The following PRL variants were observed in gnomAD, a reference collection of about 807,000 sequenced individuals.
The protein encoded by PRL is decidual prolactin.
Under a neutral mutation model 21.3 loss-of-function variants are expected in PRL, and 24 were observed. That is an observed-to-expected ratio of 1.13 (90% CI 0.82 to 1.59). PRL has a LOEUF of 1.59. Among genes scored for constraint, PRL ranks in the 40% most tolerant of loss-of-function variants. The probability of loss-of-function intolerance (pLI) is 0.00; values close to 1 mark genes in which losing one functional copy is unlikely to be tolerated. For synonymous variants in PRL, 118 were observed against 115.7 expected, an observed-to-expected ratio of 1.02 and a Z score of -0.13; for missense variants, 243 against 286.9, an observed-to-expected ratio of 0.85 and a Z score of 1.10.
rs1303440095 is a variant in PRL at position 22,290,274 on chromosome 6, C to T, written c.392G>A (p.Arg131His). The T allele has an allele frequency of 8.7e-6, 14 of 1,612,580 alleles. No homozygotes were observed. The highest frequency in any genetic ancestry group is 1.2e-5 in the Non-Finnish European group (14 of 1,178,972). ...EPLYHLVTEVRGMQEAPEAIL... is the reference protein window; with the variant it reads ...EPLYHLVTEVHGMQEAPEAIL... ...AGCCTCCGGGGCTTCTTGCATACCA[C>T]GTACTTCCGTGACCAGATGATACAG... Residue 131 changes from arginine (R) to histidine (H), a missense_variant, in exon 4 of 5, where the codon CGT becomes CAT. Arg to His is a conservative substitution (Grantham distance 29). Coordinates refer to ENST00000306482, the MANE Select transcript of PRL (RefSeq NM_000948.6).
chr6:22,295,555 CCA>C (rs1390422869), intron 1 of PRL, among the ~76,000 whole-genome samples: 1 of 152,166 alleles, frequency 6.6e-6, no homozygotes, highest in African/African-American at 2.4e-5. Flanking sequence ...TTGATTTTCT[CCA>C]CTTTTCCTGC....
At chr6:22,294,137 C>A (rs1238685465) in intron 2 of PRL, among the ~76,000 whole-genome samples, 1 of 152,006 alleles carries the variant, frequency 6.6e-6, no homozygotes, top group Non-Finnish European at 1.5e-5. Context: ...CCTAAACATG[C>A]TTTAGGTCAG....
chr6:22,292,926 G>GTTGCTATT (rs1370801991), intron 2 of PRL, among the ~76,000 whole-genome samples: 4 of 152,036 alleles, frequency 2.6e-5, no homozygotes, highest in African/African-American at 9.7e-5. Flanking sequence ...AGTCACACGA[G>GTTGCTATT]TTGCTATTTG....
At chr6:22,296,577 A>C (rs1449270257) in intron 1 of PRL, among the ~76,000 whole-genome samples, 1 of 152,220 alleles carries the variant, frequency 6.6e-6, no homozygotes, top group Non-Finnish European at 1.5e-5. Context: ...AGAGTTTCTC[A>C]ATCTTGATAT....
chr6:22,299,873 G>A (rs1294446550), upstream of PRL, among the ~76,000 whole-genome samples: 1 of 152,002 alleles, frequency 6.6e-6, no homozygotes, highest in East Asian at 1.9e-4. Flanking sequence ...ACATAACCTA[G>A]GAGGTGTCTA....
At chr6:22,294,889 G>T (rs1330466146) in intron 1 of PRL, among the ~76,000 whole-genome samples, 2 of 152,176 alleles carry the variant, frequency 1.3e-5, no homozygotes, top group Non-Finnish European at 2.9e-5. Context: ...AGGGTGTTTG[G>T]ATCATTCTCT....
At chr6:22,296,846 C>T in intron 1 of PRL, 109 bp downstream of exon 1, 1 of 1,213,170 alleles carries the variant, frequency 8.2e-7, no homozygotes, top group Non-Finnish European at 1.2e-6. Context: ...TAAGATTGTG[C>T]TTCTAAACCT....
At chr6:22,296,297 G>A (rs1221871733) in intron 1 of PRL, among the ~76,000 whole-genome samples, 5 of 152,188 alleles carry the variant, frequency 3.3e-5, no homozygotes, top group South Asian at 4.1e-4. Flanking sequence ...CCTTGCAAAT[G>A]TCAACCAAGA....
At chr6:22,300,092 C>T (rs1022888081), upstream of PRL, among the ~76,000 whole-genome samples, 5 of 151,982 alleles carry the variant, frequency 3.3e-5, no homozygotes, top group African/African-American at 9.7e-5. Context: ...TTAAATAGGA[C>T]GTGTGCTGTT....
rs1234278258 is a variant in PRL, at chr6:22,292,547, T to C, written c.303A>G (p.Gln101=). 6.2e-7 allele frequency: 1 copy of C among 1,614,046 alleles called. No homozygotes were observed. The highest frequency in any genetic ancestry group is 1.7e-4 in the Middle Eastern group (1 of 6,058). Reference sequence around the variant, plus strand: ...TGGATGAAGGACTCACATTCATCTGTTGGGCTTGCTCCTTGTCTTCGGGGG... The same window carrying C: ...TGGATGAAGGACTCACATTCATCTGCTGGGCTTGCTCCTTGTCTTCGGGGG... The part of the protein sequence containing the change: ...LATPEDKEQA[Q]QMNQKDFLSL... The change falls in exon 3 of 5, where the codon CAA becomes CAG. Residue 101 remains glutamine, a synonymous_variant. Coordinates refer to ENST00000306482, the MANE Select transcript of PRL (RefSeq NM_000948.6).
intron 3 of PRL, 85 bp downstream of exon 3, chr6:22,292,453 A>G (rs1761069464): frequency 8.1e-7 from 1 of 1,241,444 alleles, no homozygotes; most frequent in Non-Finnish European, 1.2e-6. Context: ...TACAATTACC[A>G]CTAGCTATTA....
At chr6:22,290,442 G>T in intron 3 of PRL, 89 bp from the exon 4 acceptor site, 2 of 1,104,378 alleles carry the variant, frequency 1.8e-6, no homozygotes, top group Non-Finnish European at 2.4e-6. Context: ...AGGCTGTACT[G>T]AAATATCTTT....
At chr6:22,292,324 G>A (rs7739889) in intron 3 of PRL, among the ~76,000 whole-genome samples, 31,175 of 152,080 alleles carry the variant, frequency 0.2, 3,389 homozygotes, top group Non-Finnish European at 0.23. Context: ...GACAATGTAC[G>A]GATCTGCTAT....
rs765565117 is a variant in PRL at position 22,294,370 on chromosome 6, A to G, written c.204+39T>C. 3.1e-6 allele frequency: 5 copies of G among 1,610,254 alleles called. No individual in the cohort carries two copies. The South Asian group carries it at 4.4e-5, about 14-fold the overall frequency. On this transcript the variant is annotated intron_variant, in intron 2 of 4. Transcript: ENST00000306482. ...TAGCAGAGCCCAGTAGTTCATGTGA[A>G]GGCTCCTTCAGGGAGGAAGCCAGAA...
At position 22,292,539 on chromosome 6, in the gene PRL, T is replaced by C; in HGVS notation, c.311A>G (p.Asn104Ser). The C allele has an allele frequency of 6.2e-7, 1 of 1,613,866 alleles. No homozygotes were observed. Among genetic ancestry groups the C allele is most frequent in the Non-Finnish European group, 8.5e-7 (1 of 1,179,764 alleles). Residue 104 changes from asparagine to serine, a missense_variant and splice_region_variant, in exon 3 of 5, where the codon AAT becomes AGT. By Grantham distance (46) the Asn-to-Ser change is conservative. Transcript: ENST00000306482. Reference protein sequence around the residue: ...PEDKEQAQQMNQKDFLSLIVS... With the variant: ...PEDKEQAQQMSQKDFLSLIVS... Reference sequence around the variant, plus strand: ...GCAAAGCCTGGATGAAGGACTCACATTCATCTGTTGGGCTTGCTCCTTGTC... The same window carrying C: ...GCAAAGCCTGGATGAAGGACTCACACTCATCTGTTGGGCTTGCTCCTTGTC...
chr6:22,294,312 A>G, intron 2 of PRL, 97 bp downstream of exon 2: 1 of 1,420,342 alleles, frequency 7.0e-7, no homozygotes, highest in Non-Finnish European at 9.9e-7. Context: ...TATCGTTTGA[A>G]ATTTGGCTCG....
chr6:22,292,604 G>A lies in PRL; in HGVS notation c.246C>T (p.Ala82=), dbSNP rs759096826. The change falls in exon 3 of 5, where the codon GCC becomes GCT. Residue 82 remains alanine, a synonymous_variant. Coordinates refer to ENST00000306482, the MANE Select transcript of PRL (RefSeq NM_000948.6). ...GGGAAGAAGTGTGGCAGCTGTTGAT[G>A]GCCTTGGTAATGAACCCCCGGCCAT... ...YTHGRGFITK[A]INSCHTSSLA... 2 of 1,613,992 alleles carry A rather than the reference G, an allele frequency of 1.2e-6. No homozygotes were observed. Among genetic ancestry groups the A allele is most frequent in the Non-Finnish European group, 8.5e-7 (1 of 1,180,002 alleles).
At chr6:22,301,463 G>T (rs970210836), upstream of PRL, among the ~76,000 whole-genome samples, 8 of 152,116 alleles carry the variant, frequency 5.3e-5, no homozygotes, top group Non-Finnish European at 8.8e-5. Flanking sequence ...CTATGTGAGG[G>T]GCTGGGGGAG....
Position 22,287,294 on chromosome 6 carries a change from AG to A in PRL, c.*107del. 2 of 1,126,456 alleles carry A rather than the reference AG, an allele frequency of 1.8e-6. No individual in the cohort carries two copies. Among genetic ancestry groups the A allele is most frequent in the Non-Finnish European group, 2.4e-6 (2 of 828,008 alleles). The allele number at this position is 1,126,456 out of a possible 1,614,324, so 69.8% of individuals were successfully genotyped here. The stretch of plus-strand genomic sequence containing the variant: ...GAGTCAGTTTTTATTTTTTAAGAGG[AG>A]ACCTGTTACACCCAAGCATGGATTC... On this transcript the variant is annotated 3_prime_UTR_variant, in exon 5 of 5. Transcript: ENST00000306482.
Sources: gnomAD v4.1 joint callset for allele counts (sites outside exome capture counted in the v4.1 genomes callset) on GRCh38, gnomAD v4.1.1 for gene constraint, MANE v1.5 for transcripts, NCBI Gene and HGNC (gene_info 2026-07-23, HGNC 2026-07-21) for gene names.